Variants in MCM6 observed in about 807,000 individuals in gnomAD.
The protein encoded by MCM6 is minichromosome maintenance complex component 6, also known as DNA replication licensing factor MCM6.
MCM6 carries 46 observed loss-of-function variants against 94.3 expected under a neutral mutation model. The observed-to-expected ratio is 0.49, with a 90% confidence interval of 0.39 to 0.62. The LOEUF is 0.62. Among genes scored for constraint, MCM6 ranks in the 20% least tolerant of loss-of-function variants. The pLI is 0.00. For missense variants in MCM6, 865 were observed against 1,017.9 expected (o/e 0.85, Z 2.04); for synonymous variants, 335 against 351.9 (o/e 0.95, Z 0.54).
chr2:135,871,355 G>T (rs1228499149), intron 2 of MCM6, among the ~76,000 whole-genome samples: 1 of 152,154 alleles, frequency 6.6e-6, no homozygotes, highest in East Asian at 1.9e-4. Flanking sequence ...TTCTACTGCT[G>T]CATGCTTTCA....
At chr2:135,844,501 T>G (rs759788930) in intron 16 of MCM6, 44 bp downstream of exon 16, 6 of 1,402,112 alleles carry the variant, frequency 4.3e-6, no homozygotes, top group Non-Finnish European at 5.6e-6. Context: ...GGGCATGAAC[T>G]CCCTCCCTCC....
At chr2:135,857,425 G>A (rs890176396) in intron 10 of MCM6, among the ~76,000 whole-genome samples, 3 of 152,114 alleles carry the variant, frequency 2.0e-5, no homozygotes, top group African/African-American at 2.4e-5. Flanking sequence ...ATACCTCTAA[G>A]TATCTACTGT....
chr2:135,858,589 G>A (rs1679933456), intron 9 of MCM6, among the ~76,000 whole-genome samples: 2 of 152,118 alleles, frequency 1.3e-5, no homozygotes, highest in African/African-American at 4.8e-5. Flanking sequence ...AGATAGGTAA[G>A]TGAAGATTCT....
chr2:135,854,529 CAAAAAAAAAAAA>C (rs1181597035), intron 11 of MCM6, among the ~76,000 whole-genome samples: 1 of 49,958 alleles, frequency 2.0e-5, no homozygotes, highest in Non-Finnish European at 3.6e-5. Context: ...GACTCCATCT[CAAAAAAAAAAAA>C]AAAAAAAAAA....
At chr2:135,862,130 A>G (rs1476597943) in intron 8 of MCM6, among the ~76,000 whole-genome samples, 2 of 152,138 alleles carry the variant, frequency 1.3e-5, no homozygotes, top group Non-Finnish European at 2.9e-5. Context: ...ACAAAAAAAG[A>G]CAATTGTGAA....
intron 8 of MCM6, among the ~76,000 whole-genome samples, chr2:135,861,264 A>G (rs1223509531): frequency 6.6e-6 from 1 of 152,236 alleles, no homozygotes; most frequent in African/African-American, 2.4e-5. Context: ...TTTGCAGGCA[A>G]CTGTATCTGA....
intron 8 of MCM6, among the ~76,000 whole-genome samples, chr2:135,861,021 G>C (rs1679981531): frequency 6.6e-6 from 1 of 151,920 alleles, no homozygotes; most frequent in Non-Finnish European, 1.5e-5. Flanking sequence ...CAACATTGTA[G>C]TACATCTTTC....
At chr2:135,871,680 C>CA (rs531488586) in intron 2 of MCM6, among the ~76,000 whole-genome samples, 1 of 152,090 alleles carries the variant, frequency 6.6e-6, no homozygotes, top group East Asian at 1.9e-4. Flanking sequence ...GTATTTCTAC[C>CA]AAAAAACCAC....
rs1407954196 is a variant in MCM6, at chr2:135,872,684, A to G, written c.254+13T>C. 1.9e-6 allele frequency: 3 copies of G among 1,612,410 alleles called. No homozygotes were observed. The highest frequency in any genetic ancestry group is 2.5e-6 in the Non-Finnish European group (3 of 1,179,426). ...ACCCCTATTCAAAGTAAAGAAGATT[A>G]ATATGCCCATACCTATAGAACTCCT... On this transcript the variant is annotated intron_variant, in intron 2 of 16. Transcript: ENST00000264156.
chr2:135,870,925 G>GT (rs4988162), intron 2 of MCM6, among the ~76,000 whole-genome samples: 8 of 151,778 alleles, frequency 5.3e-5, no homozygotes, highest in African/African-American at 1.2e-4. Context: ...TTTTTGTGGG[G>GT]TTTTTTTTGT....
intron 11 of MCM6, among the ~76,000 whole-genome samples, chr2:135,856,184 T>C (rs923081858): frequency 2.6e-5 from 4 of 152,232 alleles, no homozygotes; most frequent in Admixed American, 6.5e-5. Context: ...CTCACACCTA[T>C]AGTCCCAACA....
intron 7 of MCM6, among the ~76,000 whole-genome samples, chr2:135,863,348 G>C (rs1336765648): frequency 6.6e-6 from 1 of 152,142 alleles, no homozygotes; most frequent in African/African-American, 2.4e-5. Context: ...ATTTTTCTGT[G>C]GAACTGTCGA....
At position 135,868,741 on chromosome 2, in the gene MCM6, T is replaced by A; in HGVS notation, c.485A>T (p.Gln162Leu). Residue 162 changes from glutamine (Q) to leucine (L), a missense_variant, in exon 4 of 17, where the codon CAG (glutamine) becomes CTG (leucine). Coordinates refer to ENST00000264156, the MANE Select transcript of MCM6 (RefSeq NM_005915.6). ...CTGTTCTACATCCCTGATCACTGTC[T>A]GACAGTCCAAGCACAGAAAAGTTCC... is the stretch of plus-strand genomic sequence containing the variant. ...VSGTFLCLDCQTVIRDVEQQF... is the reference protein window; with the variant it reads ...VSGTFLCLDCLTVIRDVEQQF... 1 of 1,614,200 alleles carries A rather than the reference T, an allele frequency of 6.2e-7. No individual in the cohort carries two copies.
chr2:135,855,754 G>C (rs1679861197), intron 11 of MCM6, among the ~76,000 whole-genome samples: 1 of 152,172 alleles, frequency 6.6e-6, no homozygotes, highest in African/African-American at 2.4e-5. Flanking sequence ...CTGTAACAAA[G>C]AGCTGTGCAC....
intron 8 of MCM6, among the ~76,000 whole-genome samples, chr2:135,860,663 T>G (rs1326715831): frequency 2.6e-5 from 4 of 152,194 alleles, no homozygotes; most frequent in African/African-American, 9.7e-5. Context: ...CAACACCTTT[T>G]CATTACAAAA....
chr2:135,867,309 CTTCTA>C (rs1172973582), intron 4 of MCM6, among the ~76,000 whole-genome samples: 21 of 152,182 alleles, frequency 1.4e-4, no homozygotes, highest in Non-Finnish European at 2.4e-4. Context: ...AATTACATAT[CTTCTA>C]TTATCTAGTC....
rs1006109729 is a variant in MCM6, at chr2:135,862,756, G to C, written c.1079-8C>G. 1 of 1,612,474 alleles carries C rather than the reference G, an allele frequency of 6.2e-7. No homozygotes were observed. The highest frequency in any genetic ancestry group is 1.3e-5 in the African/African-American group (1 of 74,794). ...GTTTTACTTCATCATTGCCTGAAAT[G>C]AAAAGAAGCTACAGATGAAAAACTA... On this transcript the variant is annotated splice_region_variant and splice_polypyrimidine_tract_variant and intron_variant, in intron 7 of 16. Transcript: ENST00000264156.
At chr2:135,858,470 G>C (rs1373703715) in intron 9 of MCM6, among the ~76,000 whole-genome samples, 1 of 152,130 alleles carries the variant, frequency 6.6e-6, no homozygotes, top group East Asian at 1.9e-4. Flanking sequence ...CTGGGCGACA[G>C]AGCAAGACTT....
chr2:135,862,607 T>G lies in MCM6; in HGVS notation c.1220A>C (p.Lys407Thr). The G allele has an allele frequency of 1.2e-6, 2 of 1,614,144 alleles. No homozygotes were observed. Among genetic ancestry groups the G allele is most frequent in the South Asian group, 1.1e-5 (1 of 91,086 alleles). ...DPSTAKSQFL[K>T]HVEEFSPRAV... ...AACACTGTATCAGGCAAACGCTTAC[T>G]TGAGAAATTGGCTCTTAGCTGTACT... The change falls in exon 8 of 17, where the codon AAG becomes ACG. Residue 407 changes from lysine to threonine, a missense_variant and splice_region_variant. By Grantham distance (78) the Lys-to-Thr change is moderately conservative (BLOSUM62 -1). Coordinates refer to ENST00000264156, the MANE Select transcript of MCM6 (RefSeq NM_005915.6).
Sources: gnomAD v4.1 joint callset for allele counts (sites outside exome capture counted in the v4.1 genomes callset) on GRCh38, gnomAD v4.1.1 for gene constraint, MANE v1.5 for transcripts, NCBI Gene and HGNC (gene_info 2026-07-23, HGNC 2026-07-21) for gene names.